IMPACT: variants seen among roughly 807,000 people sequenced by gnomAD.
IMPACT encodes protein IMPACT.
A neutral mutation model predicts 47.5 loss-of-function variants in IMPACT; 35 were observed. The observed-to-expected ratio is 0.74, with a 90% CI of 0.56 to 0.98. IMPACT has a LOEUF of 0.98. Ranked by LOEUF, IMPACT falls within the 50% of genes least tolerant of loss-of-function variation. The probability of loss-of-function intolerance (pLI) is 0.00; values close to 1 mark genes in which losing one functional copy is unlikely to be tolerated. For missense variants in IMPACT, 373 were observed against 394.8 expected, an observed-to-expected ratio of 0.94 and a Z score of 0.47; for synonymous variants, 118 against 125.6, an observed-to-expected ratio of 0.94 and a Z score of 0.40.
chr18:24,433,445 C>T (rs539383544), intron 4 of IMPACT, among the ~76,000 whole-genome samples: 6 of 149,280 alleles, frequency 4.0e-5, no homozygotes, highest in East Asian at 2.0e-4. Context: ...ATGATCCACC[C>T]GCCTCGGCCT....
At chr18:24,443,344 T>C (rs974297427) in intron 7 of IMPACT, among the ~76,000 whole-genome samples, 192 bp downstream of exon 7, 1 of 152,198 alleles carries the variant, frequency 6.6e-6, no homozygotes, top group African/African-American at 2.4e-5. Flanking sequence ...CTCTGCTTTC[T>C]TTCTTTTTTT....
chr18:24,437,923 A>G (rs1188777680), intron 4 of IMPACT, 32 bp from the exon 5 acceptor site: 4 of 1,054,432 alleles, frequency 3.8e-6, no homozygotes, highest in Admixed American at 4.1e-5. Context: ...TTTTGAAATA[A>G]CAATTTTTTT....
chr18:24,448,609 T>G (rs575345166), intron 9 of IMPACT, among the ~76,000 whole-genome samples: 20 of 152,214 alleles, frequency 1.3e-4, no homozygotes, highest in African/African-American at 4.6e-4. Flanking sequence ...TCTTGACTGT[T>G]GTCCAAAATT....
intron 4 of IMPACT, among the ~76,000 whole-genome samples, 171 bp downstream of exon 4, chr18:24,430,555 A>G (rs1195088540): frequency 2.6e-5 from 4 of 152,220 alleles, no homozygotes; most frequent in African/African-American, 9.6e-5. Context: ...ATAATTTTAT[A>G]TATACATTTG....
intron 6 of IMPACT, among the ~76,000 whole-genome samples, chr18:24,441,966 T>G (rs904705485): frequency 4.6e-5 from 7 of 152,196 alleles, no homozygotes; most frequent in Admixed American, 2.0e-4. Flanking sequence ...TGTATTTGAC[T>G]TATTACTATG....
At position 24,440,503 on chromosome 18, in the gene IMPACT, T is replaced by C. The variant is rs582234; in HGVS notation, c.375T>C (p.Asp125=). The change falls in exon 6 of 11, where the codon GAT becomes GAC. Residue 125 remains aspartate (D), a synonymous_variant. Transcript: ENST00000284202. ...QKSQMTEPGP[D]VKKKTEEEDV... is the part of the protein sequence containing the mutation. The stretch of plus-strand genomic sequence containing the variant: ...TGTCTCATATTCACATAGGCCCAGA[T>C]GTAAAGAAGAAAACTGAAGAGGAAG... 1 of 1,611,354 alleles carries C rather than the reference T, an allele frequency of 6.2e-7. No homozygotes were observed. Among genetic ancestry groups the C allele is most frequent in the Non-Finnish European group, 8.5e-7 (1 of 1,178,366 alleles).
intron 5 of IMPACT, 80 bp from the exon 6 acceptor site, chr18:24,440,416 C>A: frequency 6.7e-7 from 1 of 1,482,730 alleles, no homozygotes; most frequent in East Asian, 2.3e-5. Flanking sequence ...GTATTTAGAA[C>A]CCAAGACCCA....
At chr18:24,432,697 GC>G (rs535220827) in intron 4 of IMPACT, among the ~76,000 whole-genome samples, 4 of 148,826 alleles carry the variant, frequency 2.7e-5, no homozygotes, top group Admixed American at 6.7e-5. Context: ...CAATTTATCT[GC>G]CCCCCCGATC....
rs1427543620 is a variant in IMPACT at position 24,445,592 on chromosome 18, T to C, written c.668+126T>C. 1.6e-5 allele frequency: 8 copies of C among 499,760 alleles called. No individual in the cohort carries two copies. The Admixed American group carries it at 2.8e-4, about 18-fold the overall frequency. The allele number at this position is 499,760 out of a possible 1,614,324, so 31.0% of individuals were successfully genotyped here. Reference sequence around the variant, plus strand: ...TGTAATAGTAATAGACATGGAATATTTGGAAACTGCAGAAAAGATAAAAAA... The same window carrying C: ...TGTAATAGTAATAGACATGGAATATCTGGAAACTGCAGAAAAGATAAAAAA... On this transcript the variant is annotated intron_variant, in intron 8 of 10. Transcript: ENST00000284202.
Position 24,427,663 on chromosome 18 carries a change from T to C in IMPACT, c.37-256T>C, listed in dbSNP as rs78290353. The stretch of plus-strand genomic sequence containing the variant: ...AAAGTATGGGAGTGCATATATATTA[T>C]ATTTTGACTCAATAGTGGCCAAAAG... On this transcript the variant is annotated intron_variant, in intron 1 of 10. Transcript: ENST00000284202. 1,079 of 428,152 alleles carry C rather than the reference T, an allele frequency of 2.5e-3. 12 individuals are homozygous for C. The highest frequency in any genetic ancestry group is 0.02 in the African/African-American group (969 of 48,054). 26.5% of individuals were successfully genotyped at this position (428,152 alleles called of 1,614,324 possible).
intron 4 of IMPACT, chr18:24,435,651 A>C (rs149564156): frequency 6.6e-6 from 1 of 152,348 alleles, no homozygotes; most frequent in South Asian, 2.1e-4. Flanking sequence ...GTGTGAACTC[A>C]ACTCCTCTGA....
At chr18:24,448,269 G>A (rs1909296183) in intron 9 of IMPACT, 86 bp downstream of exon 9, 1 of 779,454 alleles carries the variant, frequency 1.3e-6, no homozygotes, top group Admixed American at 2.0e-5. Context: ...TAATAGCTAA[G>A]TCAGTTGAAC....
chr18:24,443,029 A>G lies in IMPACT; in HGVS notation c.491-20A>G. On this transcript the variant is annotated intron_variant, in intron 6 of 10. Coordinates refer to ENST00000284202, the MANE Select transcript of IMPACT (RefSeq NM_018439.4). ...GAATGTAAGGCTTTTTAAAAAATAA[A>G]GTTTCTTTTACATTTCTAGAAGTAG... is the stretch of plus-strand genomic sequence containing the variant. The G allele has an allele frequency of 7.5e-7, 1 of 1,334,588 alleles. No individual in the cohort carries two copies. The highest frequency in any genetic ancestry group is 1.1e-6 in the Non-Finnish European group (1 of 943,270). 82.7% of individuals were successfully genotyped at this position (1,334,588 alleles called of 1,614,324 possible). A position where few individuals can be genotyped will look rare whatever the true frequency, so the allele number is the denominator to read the frequency against.
chr18:24,445,778 T>C (rs185657879), intron 8 of IMPACT, among the ~76,000 whole-genome samples: 23 of 152,354 alleles, frequency 1.5e-4, no homozygotes, highest in Admixed American at 1.4e-3. Flanking sequence ...CTTTTTCATA[T>C]TGTTATAACT....
At chr18:24,449,432 T>G (rs1166900441) in intron 9 of IMPACT, among the ~76,000 whole-genome samples, 1 of 152,184 alleles carries the variant, frequency 6.6e-6, no homozygotes, top group African/African-American at 2.4e-5. Context: ...CCCTGTAGCT[T>G]TGTTCAGAAG....
At chr18:24,442,683 G>A (rs1200490731) in intron 6 of IMPACT, among the ~76,000 whole-genome samples, 1 of 152,088 alleles carries the variant, frequency 6.6e-6, no homozygotes, top group Non-Finnish European at 1.5e-5. Flanking sequence ...TTTTATATTA[G>A]CAGCTATAAA....
intron 4 of IMPACT, among the ~76,000 whole-genome samples, chr18:24,431,960 C>G (rs1426763738): frequency 6.6e-6 from 1 of 152,150 alleles, no homozygotes; most frequent in Non-Finnish European, 1.5e-5. Flanking sequence ...CCTTGGCCTC[C>G]CAAAGTGCTG....
intron 4 of IMPACT, among the ~76,000 whole-genome samples, chr18:24,434,346 A>AT (rs1338048959): frequency 6.6e-6 from 1 of 152,144 alleles, no homozygotes; most frequent in Admixed American, 6.5e-5. Flanking sequence ...AAATAAATAT[A>AT]TAAAAAGTAA....
chr18:24,442,239 C>T (rs1051336173), intron 6 of IMPACT, among the ~76,000 whole-genome samples: 2 of 151,228 alleles, frequency 1.3e-5, no homozygotes, highest in East Asian at 1.9e-4. Flanking sequence ...CTGCAACCTC[C>T]GCCTCCCAGG....
Sources: allele counts gnomAD v4.1 joint callset (sites outside exome capture counted in the v4.1 genomes callset), GRCh38; gene constraint gnomAD v4.1.1; transcripts MANE v1.5; gene names NCBI Gene and HGNC (gene_info 2026-07-23, HGNC 2026-07-21).